Variants in ANKRD31 observed in about 807,000 individuals in gnomAD.
ANKRD31 encodes ankyrin repeat domain-containing protein 31.
A neutral mutation model predicts 186.0 loss-of-function variants in ANKRD31; 147 were observed. The observed-to-expected ratio is 0.79, with a 90% CI of 0.69 to 0.91. The LOEUF is 0.91. Ranked by LOEUF, ANKRD31 falls within the 40% of genes least tolerant of loss-of-function variation. The probability of loss-of-function intolerance (pLI) is 0.00; values close to 1 mark genes in which losing one functional copy is unlikely to be tolerated. For synonymous variants in ANKRD31, 673 were observed against 736.4 expected, an observed-to-expected ratio of 0.91 and a Z score of 1.39; for missense variants, 1,986 against 2,148.8, an observed-to-expected ratio of 0.92 and a Z score of 1.50.
At chr5:75,195,036 T>C (rs1755369286) in intron 7 of ANKRD31, among the ~76,000 whole-genome samples, 1 of 152,164 alleles carries the variant, frequency 6.6e-6, no homozygotes, top group African/African-American at 2.4e-5. Flanking sequence ...AGGGACTTTG[T>C]GAGTGATAGG....
At chr5:75,132,775 A>G (rs1190229826) in intron 17 of ANKRD31, among the ~76,000 whole-genome samples, 3 of 152,168 alleles carry the variant, frequency 2.0e-5, no homozygotes, top group Non-Finnish European at 4.4e-5. Flanking sequence ...AGAAAGGTCG[A>G]GTTACCCACA....
At chr5:75,202,344 C>T (rs764618636) in intron 5 of ANKRD31, among the ~76,000 whole-genome samples, 6 of 152,128 alleles carry the variant, frequency 3.9e-5, no homozygotes, top group Non-Finnish European at 8.8e-5. Flanking sequence ...AAAACCAACA[C>T]ATTTAGAAGG....
At chr5:75,213,617 C>G (rs990701184) in intron 3 of ANKRD31, among the ~76,000 whole-genome samples, 9 of 152,178 alleles carry the variant, frequency 5.9e-5, no homozygotes, top group African/African-American at 1.9e-4. Flanking sequence ...TGGCATCTAT[C>G]TTTTTAATAC....
chr5:75,230,376 G>A (rs1757876780), intron 2 of ANKRD31, among the ~76,000 whole-genome samples, 186 bp downstream of exon 2: 1 of 152,190 alleles, frequency 6.6e-6, no homozygotes, highest in Non-Finnish European at 1.5e-5. Context: ...GTTCGGTGAT[G>A]TTCTTGTGAC....
intron 20 of ANKRD31, among the ~76,000 whole-genome samples, chr5:75,108,998 C>T (rs1747555419): frequency 6.6e-6 from 1 of 152,068 alleles, no homozygotes; most frequent in Non-Finnish European, 1.5e-5. Flanking sequence ...TGGTATCACA[C>T]ACTTCTTTAT....
intron 14 of ANKRD31, among the ~76,000 whole-genome samples, chr5:75,145,525 G>A (rs1474520599): frequency 6.6e-6 from 1 of 151,992 alleles, no homozygotes; most frequent in Middle Eastern, 3.2e-3. Context: ...CTCATAAGTG[G>A]GAATTGAACA....
At chr5:75,127,998 A>G (rs1165779346) in intron 17 of ANKRD31, among the ~76,000 whole-genome samples, 2 of 152,202 alleles carry the variant, frequency 1.3e-5, no homozygotes, top group African/African-American at 4.8e-5. Flanking sequence ...AATTCTAGTA[A>G]ATTATTTTAT....
rs1176703889 is a variant in ANKRD31 at position 75,143,988 on chromosome 5, T to C, written c.3595+13A>G. 4 of 396,890 alleles carry C rather than the reference T, an allele frequency of 1.0e-5. No individual in the cohort carries two copies. The South Asian group carries it at 3.8e-4, about 38-fold the overall frequency. The allele number at this position is 396,890 out of a possible 1,614,324, so 24.6% of individuals were successfully genotyped here. Reference sequence around the variant, plus strand: ...TTGTAAACTTTAACCTATACAATTATAGGAATACAAACCTAGGTTGCAGGT... The same window carrying C: ...TTGTAAACTTTAACCTATACAATTACAGGAATACAAACCTAGGTTGCAGGT... On this transcript the variant is annotated intron_variant, in intron 15 of 25. Coordinates refer to ENST00000506364, the MANE Select transcript of ANKRD31 (RefSeq NM_001372053.1).
At chr5:75,099,954 A>C (rs1435264670) in intron 22 of ANKRD31, among the ~76,000 whole-genome samples, 2 of 151,574 alleles carry the variant, frequency 1.3e-5, no homozygotes, top group Non-Finnish European at 1.5e-5. Flanking sequence ...TTATTTCTTG[A>C]CTTCTGCTAG....
intron 9 of ANKRD31, among the ~76,000 whole-genome samples, chr5:75,190,597 G>A (rs1343070189): frequency 1.5e-5 from 2 of 132,242 alleles, no homozygotes. Flanking sequence ...CTGGATTGAG[G>A]TGCTTATATA....
At chr5:75,227,405 T>C (rs1757696047) in intron 2 of ANKRD31, among the ~76,000 whole-genome samples, 1 of 152,164 alleles carries the variant, frequency 6.6e-6, no homozygotes, top group African/African-American at 2.4e-5. Flanking sequence ...AATTGTACAT[T>C]GTAAAATAAT....
At chr5:75,077,340 G>C (rs557599372) in intron 25 of ANKRD31, among the ~76,000 whole-genome samples, 6 of 152,070 alleles carry the variant, frequency 3.9e-5, no homozygotes, top group African/African-American at 1.4e-4. Context: ...CAAAGTGCTC[G>C]GAACACAGGC....
intron 23 of ANKRD31, among the ~76,000 whole-genome samples, chr5:75,085,355 G>A (rs560570165): frequency 6.6e-5 from 10 of 151,832 alleles, no homozygotes; most frequent in Admixed American, 5.3e-4. Context: ...CTGAAGTCCC[G>A]GCTCCTTTTC....
intron 10 of ANKRD31, among the ~76,000 whole-genome samples, chr5:75,172,290 TAA>T (rs1358733926): frequency 8.7e-5 from 13 of 149,398 alleles, no homozygotes; most frequent in Non-Finnish European, 1.9e-4. Flanking sequence ...AGTAGTGAAA[TAA>T]GAGAGAAAAA....
chr5:75,165,175 C>T (rs531999971), intron 11 of ANKRD31, among the ~76,000 whole-genome samples: 9 of 152,132 alleles, frequency 5.9e-5, no homozygotes, highest in African/African-American at 1.9e-4. Flanking sequence ...GGTTTAAAGT[C>T]CAAATACTCC....
chr5:75,185,727 C>T (rs1003514101), intron 10 of ANKRD31, among the ~76,000 whole-genome samples: 3 of 151,884 alleles, frequency 2.0e-5, no homozygotes, highest in Non-Finnish European at 4.4e-5. Context: ...ATGCTAATTA[C>T]TCTGATTTGA....
chr5:75,126,271 G>A (rs979621515), intron 17 of ANKRD31, among the ~76,000 whole-genome samples: 2 of 152,014 alleles, frequency 1.3e-5, no homozygotes, highest in East Asian at 3.9e-4. Context: ...CTGAAACCCC[G>A]TCTCTACTAA....
chr5:75,191,593 T>C (rs1309614154), intron 9 of ANKRD31, among the ~76,000 whole-genome samples: 1 of 152,092 alleles, frequency 6.6e-6, no homozygotes, highest in Non-Finnish European at 1.5e-5. Context: ...AGCAAATAAA[T>C]AAAAATCTGT....
chr5:75,099,007 C>T (rs1746573920), intron 22 of ANKRD31, among the ~76,000 whole-genome samples: 1 of 152,124 alleles, frequency 6.6e-6, no homozygotes, highest in African/African-American at 2.4e-5. Flanking sequence ...CTGTCTTGTG[C>T]CAGTTTTCAA....
Sources: allele counts gnomAD v4.1 joint callset (sites outside exome capture counted in the v4.1 genomes callset), GRCh38; gene constraint gnomAD v4.1.1; transcripts MANE v1.5; gene names NCBI Gene and HGNC (gene_info 2026-07-23, HGNC 2026-07-21).